Variants in MRPS18C observed in about 807,000 individuals in gnomAD.
MRPS18C encodes mitochondrial ribosomal protein S18C.
A neutral mutation model predicts 21.0 loss-of-function variants in MRPS18C; 21 were observed. The ratio of observed to expected loss-of-function variants is 1.00; its 90% CI spans 0.71 to 1.44. The LOEUF is 1.44. Among genes scored for constraint, MRPS18C ranks in the 40% most tolerant of loss-of-function variants. The pLI, the probability that MRPS18C is intolerant of heterozygous loss-of-function variation, is 0.00. For synonymous variants in MRPS18C, 65 were observed against 54.3 expected, an observed-to-expected ratio of 1.20 and a Z score of -0.87; for missense variants, 152 against 171.5, an observed-to-expected ratio of 0.89 and a Z score of 0.64.
At chr4:83,457,254 G>T in intron 2 of MRPS18C, 1 of 260,506 alleles carries the variant, frequency 3.8e-6, no homozygotes, top group Non-Finnish European at 7.0e-6. Context: ...TGTGATTTGG[G>T]AATTGTTTTT....
rs1722105357 is a variant in MRPS18C, at chr4:83,461,328, AC to A, written c.*133del. ...GTAAAGAATGACACTTCCCCTTCAT[AC>A]CAATGTCCATTAAGCAGATTGCTTA... On this transcript the variant is annotated 3_prime_UTR_variant, in exon 6 of 6. Coordinates refer to ENST00000295491, the MANE Select transcript of MRPS18C (RefSeq NM_016067.4). 3 of 709,800 alleles carry A rather than the reference AC, an allele frequency of 4.2e-6. No homozygotes were observed. The African/African-American group carries it at 5.3e-5, about 13-fold the overall frequency. 44.0% of individuals were successfully genotyped at this position (709,800 alleles called of 1,614,324 possible).
At position 83,457,111 on chromosome 4, in the gene MRPS18C, C is replaced by CT. The variant is rs761928868; in HGVS notation, c.150+154dup. The CT allele has an allele frequency of 2.4e-4, 147 of 602,826 alleles. 1 individual carries two copies. Among genetic ancestry groups the CT allele is most frequent in the Non-Finnish European group, 3.9e-4 (138 of 355,874 alleles). 37.3% of individuals were successfully genotyped at this position (602,826 alleles called of 1,614,324 possible). A position where few individuals can be genotyped will look rare whatever the true frequency, so the allele number is the denominator to read the frequency against. On this transcript the variant is annotated intron_variant, in intron 2 of 5. Transcript: ENST00000295491. ...AGGACAAAACAATTTGATAATTACT[C>CT]TGAGTTCAGAAATGATGATGAATTG... is the stretch of plus-strand genomic sequence containing the variant.
In MRPS18C at chr4:83,461,207, C is replaced by T. The variant is rs370213837; in HGVS notation, c.*10C>T. 36 of 1,607,784 alleles carry T rather than the reference C, an allele frequency of 2.2e-5. No individual in the cohort carries two copies. The highest frequency in any genetic ancestry group is 4.4e-4 in the Middle Eastern group (2 of 4,564). On this transcript the variant is annotated 3_prime_UTR_variant, in exon 6 of 6. Transcript: ENST00000295491. ...CAGATATCGGGAATAAATTCTATCA[C>T]GTTACCACTAATAAACTTATTTTAC...
At position 83,458,407 on chromosome 4, in the gene MRPS18C, A is replaced by T; in HGVS notation, c.212A>T (p.His71Leu). 6.3e-7 allele frequency: 1 copy of T among 1,598,490 alleles called. No homozygotes were observed. The highest frequency in any genetic ancestry group is 1.3e-5 in the African/African-American group (1 of 74,550). Residue 71 changes from histidine to leucine, a missense_variant, in exon 3 of 6, where the codon CAT (histidine) becomes CTT (leucine). Around this residue, in one of 2 missense-constraint regions of MRPS18C, gnomAD observed 118 missense variants for 104.4 expected, o/e 1.13. Transcript: ENST00000295491. The part of the protein sequence containing the change: ...PLKKCILCGK[H>L]VDYKNVQLLS... ...AAGAAATGTATCTTGTGTGGAAAGC[A>T]TGTAGATTATAAGAATGTACAGGTG...
In MRPS18C at chr4:83,457,036, A is replaced by G. The variant is rs1016550069; in HGVS notation, c.150+78A>G. On this transcript the variant is annotated intron_variant, in intron 2 of 5. Coordinates refer to ENST00000295491, the MANE Select transcript of MRPS18C (RefSeq NM_016067.4). ...TTTTCTTTTTAAAACGAGATCTGGT[A>G]TTAGACTCTAACATCTTTTATTTTA... 7.3e-5 allele frequency: 88 copies of G among 1,210,644 alleles called. 1 individual carries two copies. In the African/African-American group the frequency reaches 1.3e-3, roughly 17 times the overall value. 75.0% of individuals were successfully genotyped at this position (1,210,644 alleles called of 1,614,324 possible).
intron 3 of MRPS18C, chr4:83,458,703 G>A (rs979343795): frequency 6.8e-6 from 2 of 294,018 alleles, no homozygotes; most frequent in African/African-American, 4.5e-5. Context: ...TTCTCAATTG[G>A]TGAGGGTCAG....
chr4:83,458,622 C>T (rs1324317720), intron 3 of MRPS18C, 193 bp downstream of exon 3: 14 of 446,452 alleles, frequency 3.1e-5, no homozygotes, highest in South Asian at 6.4e-5. Context: ...TTGGCTTTCC[C>T]CCACTTACTG....
Position 83,461,313 on chromosome 4 carries a change from A to T in MRPS18C, c.*116A>T. On this transcript the variant is annotated 3_prime_UTR_variant, in exon 6 of 6. Transcript: ENST00000295491. ...TGTTTGAGGAGTGAGGTAAAGAATG[A>T]CACTTCCCCTTCATACCAATGTCCA... The T allele has an allele frequency of 1.2e-6, 1 of 809,450 alleles. No individual in the cohort carries two copies. The highest frequency in any genetic ancestry group is 2.1e-6 in the Non-Finnish European group (1 of 474,430). 50.1% of individuals were successfully genotyped at this position (809,450 alleles called of 1,614,324 possible).
In MRPS18C at chr4:83,456,957, T is replaced by C; in HGVS notation, c.149T>C (p.Leu50Pro). 6 of 1,611,502 alleles carry C rather than the reference T, an allele frequency of 3.7e-6. No homozygotes were observed. The highest frequency in any genetic ancestry group is 5.1e-6 in the Non-Finnish European group (6 of 1,179,652). ...CAACAGGTATCCAGCAATGAGGACC[T>C]GGTAAGAATTTTTTTTTCTATTAGT... ...CSQQVSSNED[L>P]PISMENPYKE... Residue 50 changes from leucine (L) to proline (P), a missense_variant and splice_region_variant, in exon 2 of 6, where the codon CTG becomes CCG. This residue lies in a region of MRPS18C where 118 missense variants were observed against 104.4 expected (regional missense o/e 1.13). Coordinates refer to ENST00000295491, the MANE Select transcript of MRPS18C (RefSeq NM_016067.4).
intron 2 of MRPS18C, chr4:83,457,570 C>G (rs1721903887): frequency 6.6e-6 from 1 of 152,256 alleles, no homozygotes; most frequent in South Asian, 2.1e-4. Context: ...GAGCATCTGT[C>G]TTGGTAATCT....
At chr4:83,457,035 T>TG in intron 2 of MRPS18C, 77 bp downstream of exon 2, 2 of 1,210,556 alleles carry the variant, frequency 1.7e-6, no homozygotes, top group Non-Finnish European at 2.4e-6. Flanking sequence ...CGAGATCTGG[T>TG]ATTAGACTCT....
Position 83,456,176 on chromosome 4 carries a change from G to A in MRPS18C, c.99G>A (p.Thr33=). The change falls in exon 1 of 6, where the codon ACG becomes ACA. Residue 33 remains threonine (T), a splice_region_variant and synonymous_variant. Coordinates refer to ENST00000295491, the MANE Select transcript of MRPS18C (RefSeq NM_016067.4). ...AVSLTHPGTH[T]VLWRRGCSQQ... ...GCCTTACACATCCCGGGACTCACAC[G>A]GGTAAAGTCTCCATATCCTATGCTC... 1.2e-6 allele frequency: 2 copies of A among 1,613,328 alleles called. No individual in the cohort carries two copies. The highest frequency in any genetic ancestry group is 1.7e-6 in the Non-Finnish European group (2 of 1,179,354).
intron 2 of MRPS18C, chr4:83,457,186 T>G: frequency 2.4e-6 from 1 of 413,140 alleles, no homozygotes; most frequent in Non-Finnish European, 4.3e-6. Flanking sequence ...ATTCCTAGAT[T>G]AGAAGCAAAG....
intron 3 of MRPS18C, 69 bp from the exon 4 acceptor site, chr4:83,459,671 T>G: frequency 7.0e-7 from 1 of 1,430,038 alleles, no homozygotes; most frequent in Non-Finnish European, 9.7e-7. Context: ...GGTTGTTTTT[T>G]GAAATTTACA....
intron 4 of MRPS18C, 85 bp from the exon 5 acceptor site, chr4:83,460,888 A>C (rs752577070): frequency 8.7e-7 from 1 of 1,152,360 alleles, no homozygotes; most frequent in African/African-American, 1.6e-5. Flanking sequence ...CCTGGGTGAC[A>C]CAGGGAGACT....
chr4:83,457,203 T>C, intron 2 of MRPS18C: 1 of 368,362 alleles, frequency 2.7e-6, no homozygotes, highest in Non-Finnish European at 4.8e-6. Flanking sequence ...AAAGCTGCTA[T>C]AATACCATAT....
At chr4:83,458,271 T>G (rs1261485928) in intron 2 of MRPS18C, 75 bp from the exon 3 acceptor site, 23 of 1,015,130 alleles carry the variant, frequency 2.3e-5, no homozygotes, top group South Asian at 1.2e-4. Flanking sequence ...TGAATGGATT[T>G]GAATGTAGAA....
At chr4:83,460,878 C>G (rs1722072106) in intron 4 of MRPS18C, 95 bp from the exon 5 acceptor site, 2 of 1,047,342 alleles carry the variant, frequency 1.9e-6, no homozygotes, top group African/African-American at 3.3e-5. Context: ...TGTACTCCAG[C>G]CTGGGTGACA....
Position 83,456,923 on chromosome 4 carries a change from G to T in MRPS18C, c.115G>T (p.Gly39Cys). 1 of 1,612,428 alleles carries T rather than the reference G, an allele frequency of 6.2e-7. No homozygotes were observed. The highest frequency in any genetic ancestry group is 8.5e-7 in the Non-Finnish European group (1 of 1,179,828). The change falls in exon 2 of 6, where the codon GGT becomes TGT. Residue 39 changes from glycine to cysteine, a missense_variant. By Grantham distance (159) the Gly-to-Cys change is radical. Coordinates refer to ENST00000295491, the MANE Select transcript of MRPS18C (RefSeq NM_016067.4). ...PGTHTVLWRR[G>C]CSQQVSSNED... ...TTTAATCGCAGTGCTTTGGAGAAGA[G>T]GTTGTTCACAACAGGTATCCAGCAA...
Sources: gnomAD v4.1 joint callset for allele counts on GRCh38, gnomAD v4.1.1 for gene constraint, gnomAD v4.1.1 regional missense constraint, MANE v1.5 for transcripts, NCBI Gene and HGNC (gene_info 2026-07-23, HGNC 2026-07-21) for gene names.